The following ABCA13 variants were observed in gnomAD, a reference collection of about 807,000 sequenced individuals.
ABCA13 encodes ATP binding cassette subfamily A member 13.
Under a neutral mutation model 478.7 loss-of-function variants are expected in ABCA13, and 476 were observed. That is an observed-to-expected ratio of 0.99 (90% confidence interval 0.92 to 1.07). ABCA13 has a LOEUF of 1.07. Among genes scored for constraint, ABCA13 ranks in the 50% least tolerant of loss-of-function variants. The probability of loss-of-function intolerance (pLI) is 0.00; values close to 1 mark genes in which losing one functional copy is unlikely to be tolerated. For missense variants in ABCA13, 6,060 were observed against 5,910.6 expected, an observed-to-expected ratio of 1.03 and a Z score of -0.83; for synonymous variants, 2,252 against 2,158.9, an observed-to-expected ratio of 1.04 and a Z score of -1.20.
chr7:48,292,869 G>A (rs1025986109), intron 20 of ABCA13, among the ~76,000 whole-genome samples: 1 of 152,136 alleles, frequency 6.6e-6, no homozygotes, highest in Non-Finnish European at 1.5e-5. Context: ...TGTCTCCTGT[G>A]TTCATAGCTC....
At chr7:48,518,244 C>G (rs572734250) in intron 52 of ABCA13, among the ~76,000 whole-genome samples, 1 of 152,290 alleles carries the variant, frequency 6.6e-6, no homozygotes, top group East Asian at 1.9e-4. Flanking sequence ...CATCGGATCT[C>G]TAGCATGACA....
chr7:48,317,329 A>C, intron 27 of ABCA13, 33 bp downstream of exon 27: 1 of 1,581,488 alleles, frequency 6.3e-7, no homozygotes, highest in South Asian at 1.2e-5. Context: ...CATATAGACC[A>C]TACATACACT....
intron 49 of ABCA13, among the ~76,000 whole-genome samples, chr7:48,507,209 G>A (rs1330459749): frequency 6.6e-6 from 1 of 152,198 alleles, no homozygotes; most frequent in African/African-American, 2.4e-5. Flanking sequence ...ACACGATGGA[G>A]CAGAAGGCAT....
chr7:48,221,990 T>C (rs777987026), intron 5 of ABCA13, among the ~76,000 whole-genome samples: 5 of 152,220 alleles, frequency 3.3e-5, no homozygotes, highest in African/African-American at 4.8e-5. Flanking sequence ...TGTAGTAACA[T>C]TGCATTAACA....
At chr7:48,573,199 A>G (rs1527835) in intron 55 of ABCA13, among the ~76,000 whole-genome samples, 19,249 of 152,010 alleles carry the variant, frequency 0.13, 1,511 homozygotes, top group Admixed American at 0.22. Flanking sequence ...GATTTTTTAA[A>G]CAGATTTCAA....
intron 28 of ABCA13, 31 bp downstream of exon 28, chr7:48,335,566 G>A: frequency 6.4e-7 from 1 of 1,567,434 alleles, no homozygotes. Context: ...ACCGAGGGAT[G>A]GGGAGCTACT....
intron 31 of ABCA13, among the ~76,000 whole-genome samples, chr7:48,361,613 T>C (rs1291825235): frequency 2.0e-5 from 3 of 151,736 alleles, no homozygotes; most frequent in Non-Finnish European, 4.4e-5. Flanking sequence ...TCATTATTTT[T>C]AGTTTTTTTC....
chr7:48,641,720 A>G (rs934768491), intron 59 of ABCA13, among the ~76,000 whole-genome samples: 1 of 152,178 alleles, frequency 6.6e-6, no homozygotes, highest in African/African-American at 2.4e-5. Context: ...ATGCCCAGAC[A>G]CAGCTGAGAG....
chr7:48,585,751 T>C (rs2131387189), intron 56 of ABCA13, among the ~76,000 whole-genome samples: 1 of 152,258 alleles, frequency 6.6e-6, no homozygotes, highest in South Asian at 2.1e-4. Context: ...TAAATTTGAA[T>C]TAAAATATGA....
At position 48,278,902 on chromosome 7, in the gene ABCA13, G is replaced by C. The variant is rs752674846; in HGVS notation, c.7708G>C (p.Val2570Leu). The C allele has an allele frequency of 1.2e-6, 2 of 1,613,224 alleles. No individual in the cohort carries two copies. Among genetic ancestry groups the C allele is most frequent in the South Asian group, 2.2e-5 (2 of 91,070 alleles). Residue 2570 changes from valine (V) to leucine (L), a missense_variant, in exon 18 of 62, where the codon GTG (valine) becomes CTG (leucine). Coordinates refer to ENST00000435803, the MANE Select transcript of ABCA13 (RefSeq NM_152701.5). ...CATGCAACAAAGTGTTCAAAATCTT[G>C]TGAAAGAAATAGCTACTTTAAAAAA... is the stretch of plus-strand genomic sequence containing the variant. ...SIMQQSVQNL[V>L]KEIATLKKID...
intron 35 of ABCA13, among the ~76,000 whole-genome samples, chr7:48,386,192 A>T (rs1015083828): frequency 6.6e-6 from 1 of 152,230 alleles, no homozygotes; most frequent in Admixed American, 6.5e-5. Context: ...AAGGTGAAAG[A>T]TCTCTACAAG....
intron 23 of ABCA13, among the ~76,000 whole-genome samples, chr7:48,306,843 A>C (rs977640131): frequency 6.6e-6 from 1 of 152,258 alleles, no homozygotes; most frequent in Non-Finnish European, 1.5e-5. Flanking sequence ...AAATGTCCCT[A>C]TGCGGGTATT....
At chr7:48,438,184 C>T (rs556967820) in intron 42 of ABCA13, among the ~76,000 whole-genome samples, 41 of 152,224 alleles carry the variant, frequency 2.7e-4, no homozygotes, top group African/African-American at 9.1e-4. Context: ...GCACTTTGCT[C>T]TTTCTGCCCT....
intron 29 of ABCA13, 134 bp from the exon 30 acceptor site, chr7:48,350,509 A>C (rs917823572): frequency 2.8e-6 from 3 of 1,074,268 alleles, no homozygotes; most frequent in Non-Finnish European, 3.9e-6. Flanking sequence ...CCAAAATTTG[A>C]CTCTTTTGAG....
At chr7:48,256,980 T>A (rs1793489935) in intron 15 of ABCA13, among the ~76,000 whole-genome samples, 2 of 152,212 alleles carry the variant, frequency 1.3e-5, no homozygotes, top group African/African-American at 4.8e-5. Flanking sequence ...ACCTGTGATT[T>A]CTTTGAGCAG....
At chr7:48,417,549 A>G (rs1356472390) in intron 41 of ABCA13, among the ~76,000 whole-genome samples, 1 of 152,166 alleles carries the variant, frequency 6.6e-6, no homozygotes, top group African/African-American at 2.4e-5. Context: ...GAGCAGTTTT[A>G]GATTCTCAGC....
intron 32 of ABCA13, among the ~76,000 whole-genome samples, 170 bp from the exon 33 acceptor site, chr7:48,371,998 A>C (rs888821707): frequency 6.6e-6 from 1 of 152,206 alleles, no homozygotes; most frequent in Non-Finnish European, 1.5e-5. Context: ...ATGAAAATCA[A>C]ATACCAAGCT....
chr7:48,590,363 C>G (rs186108796), intron 57 of ABCA13, among the ~76,000 whole-genome samples: 6 of 152,016 alleles, frequency 3.9e-5, no homozygotes, highest in Non-Finnish European at 5.9e-5. Flanking sequence ...GAGAGACATA[C>G]ACATTTTCTT....
At chr7:48,236,194 T>C (rs1789926560) in intron 8 of ABCA13, among the ~76,000 whole-genome samples, 1 of 152,080 alleles carries the variant, frequency 6.6e-6, no homozygotes, top group Non-Finnish European at 1.5e-5. Context: ...AGGCAAGTTA[T>C]GGGAAGGTGA....
Sources: allele counts gnomAD v4.1 joint callset (sites outside exome capture counted in the v4.1 genomes callset), GRCh38; gene constraint gnomAD v4.1.1; transcripts MANE v1.5; gene names NCBI Gene and HGNC (gene_info 2026-07-23, HGNC 2026-07-21).